Variants in CNTNAP5 observed in about 807,000 individuals in gnomAD.
CNTNAP5 encodes the protein contactin-associated protein-like 5.
In CNTNAP5, 72 loss-of-function variants were observed where a neutral mutation model predicts 150.2. That is an observed-to-expected ratio of 0.48 (90% confidence interval 0.40 to 0.58). The LOEUF (loss-of-function observed/expected upper bound fraction) is 0.58, where lower values mean the gene tolerates loss of function less well. Ranked by LOEUF, CNTNAP5 falls within the 20% of genes least tolerant of loss-of-function variation. The pLI is 0.00. For synonymous variants in CNTNAP5, 672 were observed against 619.8 expected (o/e 1.08, Z -1.25); for missense variants, 1,636 against 1,626.2 (o/e 1.01, Z -0.10).
chr2:124,292,697 C>A (rs887927710), intron 3 of CNTNAP5, among the ~76,000 whole-genome samples: 38 of 151,912 alleles, frequency 2.5e-4, no homozygotes, highest in Non-Finnish European at 3.5e-4. Flanking sequence ...AAACACTTCG[C>A]ATATAAAATA....
intron 1 of CNTNAP5, among the ~76,000 whole-genome samples, chr2:124,053,665 T>C (rs1681769967): frequency 6.6e-6 from 1 of 152,200 alleles, no homozygotes; most frequent in Admixed American, 6.5e-5. Flanking sequence ...AAACACCTAG[T>C]ACAGTGTCAG....
intron 13 of CNTNAP5, among the ~76,000 whole-genome samples, chr2:124,682,783 T>C (rs1483943186): frequency 6.6e-6 from 1 of 152,160 alleles, no homozygotes; most frequent in Non-Finnish European, 1.5e-5. Flanking sequence ...GAATGTGTAG[T>C]TTTGAACTTG....
intron 8 of CNTNAP5, among the ~76,000 whole-genome samples, chr2:124,505,508 A>G (rs1004302919): frequency 6.6e-6 from 1 of 152,226 alleles, no homozygotes; most frequent in Non-Finnish European, 1.5e-5. Flanking sequence ...GCTAGTACAT[A>G]TGACACCAGG....
intron 21 of CNTNAP5, among the ~76,000 whole-genome samples, chr2:124,871,969 G>A (rs1426829818): frequency 2.0e-5 from 3 of 151,708 alleles, no homozygotes; most frequent in Non-Finnish European, 1.5e-5. Flanking sequence ...TAAATTATAT[G>A]AACTTAGACT....
At chr2:124,305,251 C>T (rs1688659019) in intron 3 of CNTNAP5, among the ~76,000 whole-genome samples, 2 of 150,656 alleles carry the variant, frequency 1.3e-5, no homozygotes, top group Admixed American at 1.3e-4. Context: ...GCACTCTAAC[C>T]TTGATGACAG....
intron 13 of CNTNAP5, among the ~76,000 whole-genome samples, chr2:124,724,554 T>C (rs1057071978): frequency 1.3e-5 from 2 of 152,140 alleles, no homozygotes; most frequent in East Asian, 3.9e-4. Context: ...ACCATAATAG[T>C]AATGTGTGTG....
At chr2:124,860,470 TC>T (rs1677495943) in intron 19 of CNTNAP5, among the ~76,000 whole-genome samples, 2 of 81,804 alleles carry the variant, frequency 2.4e-5, no homozygotes, top group Admixed American at 1.2e-4. Context: ...CTTCCTTCCT[TC>T]CTTCCTTCCT....
At chr2:124,837,771 A>G (rs997237994) in intron 19 of CNTNAP5, among the ~76,000 whole-genome samples, 1 of 152,164 alleles carries the variant, frequency 6.6e-6, no homozygotes, top group African/African-American at 2.4e-5. Context: ...TTCACTAGGC[A>G]GAAATTTGAA....
chr2:124,440,428 A>G (rs1436864645), intron 5 of CNTNAP5, among the ~76,000 whole-genome samples: 1 of 152,148 alleles, frequency 6.6e-6, no homozygotes, highest in East Asian at 1.9e-4. Flanking sequence ...AGATTATGAA[A>G]GTTAAAGTGG....
chr2:124,481,485 A>C (rs958355066), intron 7 of CNTNAP5, among the ~76,000 whole-genome samples: 1 of 152,254 alleles, frequency 6.6e-6, no homozygotes, highest in Non-Finnish European at 1.5e-5. Context: ...AAATTTCTTT[A>C]GAATGTTTTA....
intron 1 of CNTNAP5, among the ~76,000 whole-genome samples, chr2:124,108,018 G>A (rs1683205958): frequency 6.6e-6 from 1 of 152,200 alleles, no homozygotes; most frequent in Non-Finnish European, 1.5e-5. Context: ...ATTTAGTTGA[G>A]CATAGTGAAT....
intron 10 of CNTNAP5, among the ~76,000 whole-genome samples, chr2:124,552,388 G>C (rs1259939615): frequency 6.6e-6 from 1 of 152,098 alleles, no homozygotes; most frequent in Non-Finnish European, 1.5e-5. Flanking sequence ...GCATCTCATG[G>C]GGCCCTTGAA....
chr2:124,397,885 A>T (rs1375702097), intron 3 of CNTNAP5, among the ~76,000 whole-genome samples: 1 of 152,204 alleles, frequency 6.6e-6, no homozygotes, highest in Non-Finnish European at 1.5e-5. Context: ...AGAATGAAAA[A>T]TCGCAACTTT....
chr2:124,043,004 A>G lies in CNTNAP5; in HGVS notation c.82+17272A>G, dbSNP rs537449621. On this transcript the variant is annotated intron_variant, in intron 1 of 23. Transcript: ENST00000682447. ...ATAATAATCCTGGCTTTGATTGCTT[A>G]TCTTCTCCAGTCCAATATTCAATTT... Among the ~76,000 whole-genome samples, 3 of 152,310 alleles carry G rather than the reference A, an allele frequency of 2.0e-5. No homozygotes were observed. In the East Asian group the frequency reaches 5.8e-4, roughly 29 times the overall value.
chr2:124,520,085 G>A (rs1017205537), intron 8 of CNTNAP5, among the ~76,000 whole-genome samples: 4 of 152,040 alleles, frequency 2.6e-5, no homozygotes, highest in African/African-American at 9.7e-5. Flanking sequence ...CTACATTATT[G>A]CAGTGTTTTT....
intron 1 of CNTNAP5, among the ~76,000 whole-genome samples, chr2:124,055,316 C>T (rs1681816321): frequency 6.6e-6 from 1 of 152,174 alleles, no homozygotes; most frequent in South Asian, 2.1e-4. Flanking sequence ...TTTAACTCTA[C>T]TTTCCAACAT....
chr2:124,524,219 G>T, intron 8 of CNTNAP5, 84 bp from the exon 9 acceptor site: 1 of 1,414,006 alleles, frequency 7.1e-7, no homozygotes, highest in South Asian at 1.2e-5. Flanking sequence ...TGGCATGGAC[G>T]GCAGCAGGCT....
At chr2:124,283,876 C>T (rs1333821897) in intron 3 of CNTNAP5, among the ~76,000 whole-genome samples, 1 of 152,170 alleles carries the variant, frequency 6.6e-6, no homozygotes, top group African/African-American at 2.4e-5. Flanking sequence ...ATGAGAGCCT[C>T]ACCCTCATGA....
intron 2 of CNTNAP5, among the ~76,000 whole-genome samples, chr2:124,225,327 T>C (rs976775635): frequency 5.3e-5 from 8 of 152,182 alleles, no homozygotes; most frequent in Non-Finnish European, 1.2e-4. Context: ...GCAATGGCCA[T>C]GCCCGGCTTT....
Sources: gnomAD v4.1 joint callset for allele counts (sites outside exome capture counted in the v4.1 genomes callset) on GRCh38, gnomAD v4.1.1 for gene constraint, MANE v1.5 for transcripts, NCBI Gene and HGNC (gene_info 2026-07-23, HGNC 2026-07-21) for gene names.